Variants in MAST4 observed in about 807,000 individuals in gnomAD.
The protein encoded by MAST4 is microtubule associated serine/threonine kinase family member 4, also known as microtubule-associated serine/threonine-protein kinase 4.
Under a neutral mutation model 162.7 loss-of-function variants are expected in MAST4, and 89 were observed. The observed-to-expected ratio is 0.55, with a 90% CI of 0.46 to 0.65. The LOEUF is 0.65. MAST4 is among the 30% of genes least tolerant of loss of function. The pLI is 0.00. For synonymous variants in MAST4, 1,479 were observed against 1,361.1 expected (o/e 1.09, Z -1.91); for missense variants, 3,153 against 3,374.0 (o/e 0.93, Z 1.62).
chr5:67,111,934 C>G (rs938426491), intron 11 of MAST4, among the ~76,000 whole-genome samples: 1 of 152,160 alleles, frequency 6.6e-6, no homozygotes, highest in Non-Finnish European at 1.5e-5. Context: ...TTCCCCCAAC[C>G]TATCACCTTA....
chr5:66,639,003 G>A (rs1490257276), intron 1 of MAST4, among the ~76,000 whole-genome samples: 1 of 152,134 alleles, frequency 6.6e-6, no homozygotes, highest in Non-Finnish European at 1.5e-5. Flanking sequence ...AAAGTTTAGT[G>A]GATGATTGGG....
intron 1 of MAST4, among the ~76,000 whole-genome samples, chr5:66,687,634 GTTTA>G (rs1421621603): frequency 2.3e-4 from 22 of 96,906 alleles, no homozygotes; most frequent in South Asian, 4.2e-4. Context: ...ATGTGTGTGT[GTTTA>G]TCTATCTATC....
intron 3 of MAST4, among the ~76,000 whole-genome samples, chr5:66,865,347 A>C (rs1392788173): frequency 3.9e-5 from 6 of 152,240 alleles, no homozygotes; most frequent in African/African-American, 1.4e-4. Context: ...ATGCTTTAGA[A>C]TTGGTTTTTC....
chr5:67,088,984 A>G (rs1763550629), intron 5 of MAST4, among the ~76,000 whole-genome samples: 1 of 152,212 alleles, frequency 6.6e-6, no homozygotes, highest in African/African-American at 2.4e-5. Flanking sequence ...CACACTGGTA[A>G]TAAATTGTTT....
chr5:67,054,623 T>G, intron 5 of MAST4, 131 bp downstream of exon 5: 1 of 811,878 alleles, frequency 1.2e-6, no homozygotes, highest in Non-Finnish European at 1.9e-6. Flanking sequence ...TATCCCTAAG[T>G]TGTTCTTTGC....
rs1165702816 is a variant in MAST4 at position 67,166,698 on chromosome 5, C to A, written c.7519C>A (p.Pro2507Thr). 1.3e-6 allele frequency: 2 copies of A among 1,590,962 alleles called. No homozygotes were observed. Among genetic ancestry groups the A allele is most frequent in the Non-Finnish European group, 1.7e-6 (2 of 1,169,064 alleles). ...PSNRDHRKAQPAGEGRTHMTK... is the reference protein window; with the variant it reads ...PSNRDHRKAQTAGEGRTHMTK... The stretch of plus-strand genomic sequence containing the variant: ...CAACAGGGACCATAGGAAGGCTCAG[C>A]CTGCCGGGGAGGGCCGAACCCACAT... Residue 2507 changes from proline (P) to threonine (T), a missense_variant, in exon 29 of 29, where the codon CCT becomes ACT. Coordinates refer to ENST00000403625, the MANE Select transcript of MAST4 (RefSeq NM_001164664.2).
At chr5:67,122,957 TTTCTC>T in intron 14 of MAST4, among the ~76,000 whole-genome samples, 1 of 152,340 alleles carries the variant, frequency 6.6e-6, no homozygotes, top group South Asian at 2.1e-4. Flanking sequence ...TTTTTTTCTT[TTTCTC>T]TTCTCAGATT....
chr5:67,163,627 A>G lies in MAST4; in HGVS notation c.4448A>G (p.Glu1483Gly). ...EEVQREQSQR[E>G]APLQSLDENV... ...GTGCAGCGGGAGCAGTCCCAGCGGG[A>G]GGCGCCGCTGCAGAGCCTGGATGAG... The change falls in exon 29 of 29, where the codon GAG becomes GGG. Residue 1483 changes from glutamate (E) to glycine (G), a missense_variant. Transcript: ENST00000403625. The surrounding 1 kb of genome is among the most constrained non-coding windows in gnomAD (Gnocchi z 7.0). The G allele has an allele frequency of 6.2e-7, 1 of 1,604,950 alleles. No homozygotes were observed. The highest frequency in any genetic ancestry group is 8.5e-7 in the Non-Finnish European group (1 of 1,176,372).
chr5:66,828,450 C>T (rs907778336), intron 3 of MAST4, among the ~76,000 whole-genome samples: 1 of 152,200 alleles, frequency 6.6e-6, no homozygotes, highest in Admixed American at 6.5e-5. Flanking sequence ...TACTTAGCCA[C>T]TGTGACCTTA....
rs549121948 is a variant in MAST4 at position 66,999,600 on chromosome 5, A to T, written c.675-54804A>T. 8.5e-5 allele frequency among the ~76,000 whole-genome samples: 13 copies of T among 152,116 alleles called. No individual in the cohort carries two copies. The East Asian group carries it at 2.5e-3, about 29-fold the overall frequency. On this transcript the variant is annotated intron_variant, in intron 4 of 28. Transcript: ENST00000403625. ...TTAGCATGTCCTTTACTTGCTTCAG[A>T]CTGTATCCTTTACACTACCTTCGGA...
rs759558515 is a variant in MAST4, at chr5:67,165,934, C to G, written c.6755C>G (p.Ala2252Gly). The change falls in exon 29 of 29, where the codon GCT (alanine) becomes GGT (glycine). Residue 2252 changes from alanine (A) to glycine (G), a missense_variant. By Grantham distance (60) the Ala-to-Gly change is moderately conservative. Coordinates refer to ENST00000403625, the MANE Select transcript of MAST4 (RefSeq NM_001164664.2). The stretch of plus-strand genomic sequence containing the variant: ...AAGAGTGGGCCGGATGTGTTTCCTG[C>G]TACCCCAGGCTCCCAGAACAAAGCC... The part of the protein sequence containing the change: ...HSKSGPDVFP[A>G]TPGSQNKASD... 5.6e-6 allele frequency: 9 copies of G among 1,613,408 alleles called. No individual in the cohort carries two copies. Among genetic ancestry groups the G allele is most frequent in the Non-Finnish European group, 7.6e-6 (9 of 1,179,848 alleles).
At chr5:67,016,407 G>A (rs953959204) in intron 4 of MAST4, among the ~76,000 whole-genome samples, 1 of 152,124 alleles carries the variant, frequency 6.6e-6, no homozygotes, top group African/African-American at 2.4e-5. Context: ...CAAGATTTTA[G>A]TACCTTTTTA....
intron 3 of MAST4, among the ~76,000 whole-genome samples, chr5:66,899,315 C>A (rs1354273680): frequency 1.3e-5 from 2 of 152,060 alleles, no homozygotes; most frequent in Non-Finnish European, 2.9e-5. Flanking sequence ...TGTGAAGGCA[C>A]CCTTTTAAAA....
intron 3 of MAST4, among the ~76,000 whole-genome samples, chr5:66,824,649 C>A (rs942392780): frequency 6.6e-6 from 1 of 152,150 alleles, no homozygotes; most frequent in Non-Finnish European, 1.5e-5. Context: ...TACAGTCATG[C>A]GTCACTTAAC....
At chr5:67,002,835 G>GT (rs1751445964) in intron 4 of MAST4, among the ~76,000 whole-genome samples, 2 of 151,706 alleles carry the variant, frequency 1.3e-5, no homozygotes, top group Admixed American at 1.3e-4. Context: ...CCAGTGCTCT[G>GT]TATCACCCCT....
At chr5:67,067,523 G>A (rs992431159) in intron 5 of MAST4, among the ~76,000 whole-genome samples, 1 of 152,220 alleles carries the variant, frequency 6.6e-6, no homozygotes, top group East Asian at 1.9e-4. Context: ...ATCATAGTGT[G>A]TAAATACAAA....
intron 3 of MAST4, among the ~76,000 whole-genome samples, chr5:66,880,787 T>C (rs1580749184): frequency 6.6e-6 from 1 of 152,232 alleles, no homozygotes; most frequent in South Asian, 2.1e-4. Context: ...AACACAGTAT[T>C]AAAGCACTCA....
At chr5:67,143,629 T>C (rs1250224080) in intron 21 of MAST4, among the ~76,000 whole-genome samples, 1 of 152,202 alleles carries the variant, frequency 6.6e-6, no homozygotes, top group Non-Finnish European at 1.5e-5. Context: ...TCTAAATGAT[T>C]ACCTAGATGC....
At chr5:66,776,781 T>C (rs1019032148) in intron 2 of MAST4, among the ~76,000 whole-genome samples, 3 of 152,070 alleles carry the variant, frequency 2.0e-5, no homozygotes, top group African/African-American at 7.2e-5. Context: ...CAAAAACAGA[T>C]GAGATGCAGA....
Sources: gnomAD v4.1 joint callset for allele counts (sites outside exome capture counted in the v4.1 genomes callset) on GRCh38, gnomAD v4.1.1 for gene constraint, Gnocchi (gnomAD v3.1) non-coding constraint, MANE v1.5 for transcripts, NCBI Gene and HGNC (gene_info 2026-07-23, HGNC 2026-07-21) for gene names.